The following CCDC33 variants were observed in gnomAD, a reference collection of about 807,000 sequenced individuals.
The protein encoded by CCDC33 is coiled-coil domain-containing protein 33.
CCDC33 carries 94 observed loss-of-function variants against 91.9 expected under a neutral mutation model. The observed-to-expected ratio is 1.02, with a 90% confidence interval of 0.87 to 1.21. The LOEUF (loss-of-function observed/expected upper bound fraction) is 1.21, where lower values mean the gene tolerates loss of function less well. Ranked by LOEUF, CCDC33 falls within the 50% of genes most tolerant of loss-of-function variation. The probability of loss-of-function intolerance (pLI) is 0.00; values close to 1 mark genes in which losing one functional copy is unlikely to be tolerated. For synonymous variants in CCDC33, 396 were observed against 374.5 expected (o/e 1.06, Z -0.66); for missense variants, 940 against 935.5 (o/e 1.00, Z -0.06).
At chr15:74,208,866 C>G (rs953843403) in intron 1 of CCDC33, 35 of 989,890 alleles carry the variant, frequency 3.5e-5, no homozygotes, top group Non-Finnish European at 4.2e-5. Context: ...TGATCTCTCC[C>G]GGAAACTTGT....
At chr15:74,300,504 T>C (rs1222851575) in intron 11 of CCDC33, 2 of 152,194 alleles carry the variant, frequency 1.3e-5, no homozygotes, top group Non-Finnish European at 2.9e-5. Flanking sequence ...GGTTGAGTTG[T>C]AGTCAAATGA....
At chr15:74,272,496 CTGGCCCTGA>C (rs1430769596) in intron 6 of CCDC33, among the ~76,000 whole-genome samples, 3 of 152,234 alleles carry the variant, frequency 2.0e-5, no homozygotes, top group African/African-American at 7.2e-5. Context: ...TCACTTCCAA[CTGGCCCTGA>C]TGGCCCAAGA....
chr15:74,207,782 C>A, intron 1 of CCDC33: 1 of 1,535,702 alleles, frequency 6.5e-7, no homozygotes, highest in Non-Finnish European at 8.7e-7. Flanking sequence ...GGGGTGTGCC[C>A]TCAGTGGCAC....
rs765699607 is a variant in CCDC33, at chr15:74,294,151, A to G, written c.1096-1603A>G. Among the ~76,000 whole-genome samples, 6 of 152,276 alleles carry G rather than the reference A, an allele frequency of 3.9e-5. No individual in the cohort carries two copies. In the East Asian group the frequency reaches 1.2e-3, roughly 29 times the overall value. ...AAACACCTGGGCACCTCTAACTCTG[A>G]GCGCATCTGTACTGGTTGGCAGTGT... On this transcript the variant is annotated intron_variant, in intron 10 of 18. Transcript: ENST00000398814.
intron 2 of CCDC33, among the ~76,000 whole-genome samples, chr15:74,255,264 G>A (rs186535914): frequency 3.6e-4 from 54 of 151,872 alleles, no homozygotes; most frequent in Admixed American, 1.1e-3. Context: ...TATCAGGGAG[G>A]AGCTGAGCTC....
intron 7 of CCDC33, among the ~76,000 whole-genome samples, chr15:74,278,568 A>C (rs1566992871): frequency 6.6e-6 from 1 of 152,212 alleles, no homozygotes; most frequent in Non-Finnish European, 1.5e-5. Flanking sequence ...TGGCCTTGGC[A>C]GATGCTGGGC....
At chr15:74,304,067 T>C (rs1327682860) in intron 11 of CCDC33, 1 of 152,254 alleles carries the variant, frequency 6.6e-6, no homozygotes, top group Non-Finnish European at 1.5e-5. Flanking sequence ...TCCTCTCACC[T>C]GCATAGCTCT....
intron 2 of CCDC33, among the ~76,000 whole-genome samples, chr15:74,210,585 G>C (rs909718169): frequency 6.6e-6 from 1 of 152,246 alleles, no homozygotes; most frequent in African/African-American, 2.4e-5. Flanking sequence ...TTTGGAGAAT[G>C]AAGCAGGATT....
At chr15:74,317,789 AG>A (rs1388296414) in intron 11 of CCDC33, among the ~76,000 whole-genome samples, 3 of 149,590 alleles carry the variant, frequency 2.0e-5, no homozygotes, top group Non-Finnish European at 3.0e-5. Flanking sequence ...ATGCCCCAGG[AG>A]GGGGTCTCCG....
chr15:74,234,136 C>T (rs189385184), upstream of CCDC33, among the ~76,000 whole-genome samples: 314 of 152,366 alleles, frequency 2.1e-3, no homozygotes, highest in Non-Finnish European at 3.8e-3. Flanking sequence ...CCTCCTTCCC[C>T]AAGAGCCAGC....
chr15:74,216,801 C>T (rs1056114835), upstream of CCDC33, among the ~76,000 whole-genome samples: 11 of 151,216 alleles, frequency 7.3e-5, no homozygotes, highest in Non-Finnish European at 1.3e-4. Context: ...CTGGATACCA[C>T]GTACCCATGA....
intron 5 of CCDC33, among the ~76,000 whole-genome samples, chr15:74,269,313 C>A (rs914742085): frequency 6.6e-6 from 1 of 151,746 alleles, no homozygotes; most frequent in Non-Finnish European, 1.5e-5. Flanking sequence ...TTCCCACCCC[C>A]CTACTTCCCA....
chr15:74,333,056 G>A, intron 16 of CCDC33: 1 of 753,138 alleles, frequency 1.3e-6, no homozygotes, highest in Non-Finnish European at 2.2e-6. Context: ...ACCTCATCTA[G>A]CATCCCAGGA....
chr15:74,336,221 G>T (rs1436902510), downstream of CCDC33: 28 of 1,431,204 alleles, frequency 2.0e-5, no homozygotes, highest in African/African-American at 3.7e-4. Context: ...CCTGGGCCTG[G>T]GTCTTCTGCT....
rs369823031 is a variant in CCDC33, at chr15:74,335,213, G to A, written c.2139+125G>A. 2.6e-5 allele frequency: 21 copies of A among 810,788 alleles called. No individual in the cohort carries two copies. The African/African-American group carries it at 3.4e-4, about 13-fold the overall frequency. 50.2% of individuals were successfully genotyped at this position (810,788 alleles called of 1,614,324 possible). On this transcript the variant is annotated intron_variant, in intron 18 of 18. Transcript: ENST00000398814. ...AGCCAACTCCAGGGCTGGGGGTCAG[G>A]AGTCCTAGGCTCCCATTCCTGCTCC...
At chr15:74,219,649 T>C (rs1366333567) in intron 2 of CCDC33, among the ~76,000 whole-genome samples, 3 of 152,212 alleles carry the variant, frequency 2.0e-5, no homozygotes, top group African/African-American at 4.8e-5. Context: ...TTTTGGTGAC[T>C]AGGAACGGCT....
At chr15:74,269,756 C>T (rs1382191948) in intron 5 of CCDC33, among the ~76,000 whole-genome samples, 2 of 152,270 alleles carry the variant, frequency 1.3e-5, no homozygotes, top group East Asian at 3.9e-4. Context: ...CTCTCCTGCC[C>T]CAGCACAGAT....
chr15:74,287,472 G>C (rs898024164), intron 10 of CCDC33, among the ~76,000 whole-genome samples: 7 of 152,120 alleles, frequency 4.6e-5, no homozygotes, highest in African/African-American at 1.7e-4. Context: ...ACCTGCTCAG[G>C]TTCTAGGTCC....
chr15:74,217,660 G>A (rs2074481585), intron 1 of CCDC33: 1 of 1,091,002 alleles, frequency 9.2e-7, no homozygotes, highest in Non-Finnish European at 1.2e-6. Context: ...ACCCCAGAGA[G>A]CCTCAGGAGA....
Sources: gnomAD v4.1 joint callset for allele counts (sites outside exome capture counted in the v4.1 genomes callset) on GRCh38, gnomAD v4.1.1 for gene constraint, MANE v1.5 for transcripts, NCBI Gene and HGNC (gene_info 2026-07-23, HGNC 2026-07-21) for gene names.